The following MYOM1 variants were observed in gnomAD, a reference collection of about 807,000 sequenced individuals.
MYOM1 encodes myomesin 1, also known as myomesin-1.
MYOM1 carries 164 observed loss-of-function variants against 205.3 expected under a neutral mutation model. The observed-to-expected ratio is 0.80, with a 90% confidence interval of 0.70 to 0.91. MYOM1 has a LOEUF of 0.91. Among genes scored for constraint, MYOM1 ranks in the 40% least tolerant of loss-of-function variants. The pLI is 0.00. For synonymous variants in MYOM1, 772 were observed against 789.4 expected (o/e 0.98, Z 0.37); for missense variants, 2,011 against 2,127.3 (o/e 0.95, Z 1.08).
intron 17 of MYOM1, among the ~76,000 whole-genome samples, chr18:3,129,777 C>G (rs2079849082): frequency 6.6e-6 from 1 of 152,120 alleles, no homozygotes; most frequent in African/African-American, 2.4e-5. Context: ...GAATAGGAAC[C>G]ATTTCGATTT....
At chr18:3,081,974 G>A (rs7244986) in intron 33 of MYOM1, among the ~76,000 whole-genome samples, 90,486 of 152,038 alleles carry the variant, frequency 0.6, 27,379 homozygotes, top group African/African-American at 0.69. Context: ...CATGGAAGAC[G>A]ATTTTTCCAC....
the MYOM1 span, among the ~76,000 whole-genome samples, chr18:3,234,243 T>C: frequency 6.6e-6 from 1 of 152,362 alleles, no homozygotes; most frequent in Non-Finnish European, 1.5e-5. Context: ...GAAAAACTTC[T>C]ACTTAGCTAA....
At chr18:3,247,281 G>A in the MYOM1 span, 1 of 152,300 alleles carries the variant, frequency 6.6e-6, no homozygotes, top group Admixed American at 6.5e-5. Flanking sequence ...TGCACACAGA[G>A]CTAGCATCAA....
chr18:3,117,955 T>C (rs770412666), intron 20 of MYOM1, among the ~76,000 whole-genome samples: 1 of 152,190 alleles, frequency 6.6e-6, no homozygotes, highest in Admixed American at 6.5e-5. Context: ...ATAACCATGA[T>C]CTTGTGTCAT....
Position 3,143,607 on chromosome 18 carries a change from A to C in MYOM1, c.1901-1544T>G, listed in dbSNP as rs549039342. On this transcript the variant is annotated intron_variant, in intron 13 of 37. Transcript: ENST00000356443. The stretch of plus-strand genomic sequence containing the variant: ...CAAGGCTAAGAGTGGGAAATGGAAT[A>C]ATACTGTTGCAGGACAGGCACGATG... 2.4e-4 allele frequency among the ~76,000 whole-genome samples: 36 copies of C among 152,294 alleles called. No homozygotes were observed. The South Asian group carries it at 7.2e-3, about 31-fold the overall frequency.
chr18:3,228,213 A>G, the MYOM1 span, among the ~76,000 whole-genome samples: 1 of 152,356 alleles, frequency 6.6e-6, no homozygotes, highest in South Asian at 2.1e-4. This position sits in a 1 kb window ranked among gnomAD's most constrained non-coding sequence, Gnocchi z 4.5. Flanking sequence ...GCATTACAGA[A>G]GAAGAATCTT....
chr18:3,194,508 A>C (rs1032731205), intron 2 of MYOM1, among the ~76,000 whole-genome samples: 1 of 152,214 alleles, frequency 6.6e-6, no homozygotes, highest in African/African-American at 2.4e-5. Context: ...CGATTGACTC[A>C]GTGGTGCACA....
chr18:3,194,377 C>G (rs930066913), intron 2 of MYOM1, among the ~76,000 whole-genome samples: 1 of 152,194 alleles, frequency 6.6e-6, no homozygotes, highest in African/African-American at 2.4e-5. Context: ...CAGGTCCATC[C>G]TGATGTAGGA....
At position 3,152,826 on chromosome 18, in the gene MYOM1, G is replaced by A. The variant is rs149403708; in HGVS notation, c.1644-933C>T. Among the ~76,000 whole-genome samples the A allele has an allele frequency of 4.4e-3, 669 of 152,238 alleles. 1 individual carries two copies. The highest frequency in any genetic ancestry group is 0.014 in the Middle Eastern group (4 of 294). On this transcript the variant is annotated intron_variant, in intron 11 of 37. Coordinates refer to ENST00000356443, the MANE Select transcript of MYOM1 (RefSeq NM_003803.4). The surrounding 1 kb of genome is among the most constrained non-coding windows in gnomAD (Gnocchi z 4.3). ...GGCAGGACAGAGGTGGCTGGTGTGG[G>A]GGGTGTATCTCCCCTCCTCACAATC...
chr18:3,212,594 A>G (rs192826642), intron 2 of MYOM1, among the ~76,000 whole-genome samples: 2 of 152,356 alleles, frequency 1.3e-5, no homozygotes, highest in East Asian at 3.9e-4. Context: ...TAGATTCTAC[A>G]GCACTGGGGA....
chr18:3,127,665 C>T (rs973634405), intron 18 of MYOM1, among the ~76,000 whole-genome samples: 15 of 151,996 alleles, frequency 9.9e-5, no homozygotes, highest in African/African-American at 3.1e-4. Flanking sequence ...GCACACTTAC[C>T]CTTGTGAGAC....
chr18:3,156,707 G>C (rs1403815200), intron 10 of MYOM1, among the ~76,000 whole-genome samples: 1 of 151,660 alleles, frequency 6.6e-6, no homozygotes, highest in Non-Finnish European at 1.5e-5. Context: ...CCGGGTTCAC[G>C]CCATTCTCCT....
intron 1 of MYOM1, among the ~76,000 whole-genome samples, chr18:3,218,663 G>A (rs2144273624): frequency 6.6e-6 from 1 of 152,290 alleles, no homozygotes; most frequent in Admixed American, 6.5e-5. Flanking sequence ...CAGTTATAAA[G>A]ATATTAGAGA....
chr18:3,094,558 C>T (rs1351731112), intron 25 of MYOM1, among the ~76,000 whole-genome samples: 7 of 152,114 alleles, frequency 4.6e-5, no homozygotes, highest in Admixed American at 1.3e-4. Context: ...GTTGTCTCAA[C>T]TGTAAAAATG....
chr18:3,159,788 A>G (rs2080354237), intron 10 of MYOM1, among the ~76,000 whole-genome samples: 1 of 152,208 alleles, frequency 6.6e-6, no homozygotes, highest in Admixed American at 6.5e-5. Context: ...TAGAAAGTGA[A>G]TTAGTAGTTG....
chr18:3,176,250 C>T, intron 5 of MYOM1, 116 bp from the exon 6 acceptor site: 1 of 619,624 alleles, frequency 1.6e-6, no homozygotes, highest in Non-Finnish European at 2.9e-6. Context: ...CTGAGGGTAG[C>T]AGCAGCATCG....
the MYOM1 span, among the ~76,000 whole-genome samples, chr18:3,227,682 G>A: frequency 2.6e-5 from 4 of 152,106 alleles, no homozygotes; most frequent in Non-Finnish European, 5.9e-5. Context: ...AGCTGGGTAT[G>A]GTGGCAGGCA....
intron 8 of MYOM1, 90 bp from the exon 9 acceptor site, chr18:3,169,071 G>GAAAA (rs375570113): frequency 7.0e-5 from 51 of 724,890 alleles, no homozygotes; most frequent in South Asian, 2.0e-4. Flanking sequence ...AGCAGTCACA[G>GAAAA]CAAAAAAAAA....
At chr18:3,148,908 T>C (rs529489844) in intron 13 of MYOM1, among the ~76,000 whole-genome samples, 1 of 146,014 alleles carries the variant, frequency 6.8e-6, no homozygotes, top group African/African-American at 2.5e-5. Flanking sequence ...TATACATGTG[T>C]AAAATTTATC....
Sources: gnomAD v4.1 joint callset for allele counts (sites outside exome capture counted in the v4.1 genomes callset) on GRCh38, gnomAD v4.1.1 for gene constraint, Gnocchi (gnomAD v3.1) non-coding constraint, MANE v1.5 for transcripts, NCBI Gene and HGNC (gene_info 2026-07-23, HGNC 2026-07-21) for gene names.